EIF4G3: variants seen among roughly 807,000 people sequenced by gnomAD.
The protein encoded by EIF4G3 is eIF-4-gamma 3.
EIF4G3 carries 34 observed loss-of-function variants against 186.4 expected under a neutral mutation model. The observed-to-expected ratio is 0.18, with a 90% CI of 0.14 to 0.24. The LOEUF is 0.24. Ranked by LOEUF, EIF4G3 falls within the 10% of genes least tolerant of loss-of-function variation. The pLI is 1.00. For missense variants in EIF4G3, 1,536 were observed against 1,948.5 expected, an observed-to-expected ratio of 0.79 and a Z score of 3.99; for synonymous variants, 673 against 679.5, an observed-to-expected ratio of 0.99 and a Z score of 0.15.
intron 4 of EIF4G3, among the ~76,000 whole-genome samples, chr1:21,015,586 C>A (rs1020375897): frequency 6.6e-6 from 1 of 152,100 alleles, no homozygotes; most frequent in Admixed American, 6.5e-5. Flanking sequence ...CAGCAAGAAC[C>A]TGTCTATACA....
At chr1:21,112,513 C>T (rs962099560) in intron 2 of EIF4G3, among the ~76,000 whole-genome samples, 89 of 152,046 alleles carry the variant, frequency 5.9e-4, no homozygotes, top group African/African-American at 2.0e-3. Context: ...AATTAAAATG[C>T]CCTTACTGAG....
chr1:20,925,987 A>G (rs1040784296), intron 14 of EIF4G3, among the ~76,000 whole-genome samples: 1 of 152,216 alleles, frequency 6.6e-6, no homozygotes, highest in Non-Finnish European at 1.5e-5. Context: ...ATTCAGGGTG[A>G]GCACATTTGA....
chr1:21,066,658 AAGTTAAATGC>A (rs1373264400), intron 3 of EIF4G3, among the ~76,000 whole-genome samples: 8 of 152,210 alleles, frequency 5.3e-5, no homozygotes, highest in Non-Finnish European at 1.2e-4. Context: ...TATAAAGTTG[AAGTTAAATGC>A]TCCAGTGTCT....
At chr1:20,842,491 C>T (rs2069011877) in intron 29 of EIF4G3, among the ~76,000 whole-genome samples, 1 of 152,180 alleles carries the variant, frequency 6.6e-6, no homozygotes, top group African/African-American at 2.4e-5. Flanking sequence ...CCTCAGTCTC[C>T]CAAGTAGCTG....
chr1:21,125,889 T>C (rs1393379602), intron 2 of EIF4G3, among the ~76,000 whole-genome samples: 1 of 151,616 alleles, frequency 6.6e-6, no homozygotes, highest in Non-Finnish European at 1.5e-5. Context: ...GTTCTATTAC[T>C]TATTCCTATT....
intron 3 of EIF4G3, among the ~76,000 whole-genome samples, chr1:21,086,199 CT>C (rs397979515): frequency 6.3e-4 from 60 of 95,200 alleles, no homozygotes; most frequent in African/African-American, 2.1e-3. Context: ...ACATGATACT[CT>C]TTTTTTTTTT....
At chr1:21,023,224 CCTCT>C (rs2091175406) in intron 4 of EIF4G3, among the ~76,000 whole-genome samples, 1 of 96,576 alleles carries the variant, frequency 1.0e-5, no homozygotes. Flanking sequence ...AAGGGCTCTC[CCTCT>C]CCCTCCCCCT....
chr1:21,069,377 T>C (rs1182179417), intron 3 of EIF4G3, among the ~76,000 whole-genome samples: 1 of 152,214 alleles, frequency 6.6e-6, no homozygotes, highest in Non-Finnish European at 1.5e-5. Flanking sequence ...TAATGTCTCT[T>C]CCTCACATTC....
intron 12 of EIF4G3, among the ~76,000 whole-genome samples, chr1:20,965,772 T>C (rs1457589400): frequency 2.7e-5 from 3 of 113,196 alleles, no homozygotes; most frequent in African/African-American, 9.1e-5. Flanking sequence ...GTAATATTAG[T>C]AATAGATATT....
intron 2 of EIF4G3, among the ~76,000 whole-genome samples, chr1:21,144,498 C>A (rs2097400824): frequency 6.6e-6 from 1 of 151,780 alleles, no homozygotes; most frequent in African/African-American, 2.4e-5. Context: ...CTCAAGCAAT[C>A]CTTCCACCTT....
chr1:20,935,997 C>G (rs1241963257), intron 14 of EIF4G3, among the ~76,000 whole-genome samples: 1 of 152,100 alleles, frequency 6.6e-6, no homozygotes, highest in Non-Finnish European at 1.5e-5. Flanking sequence ...TAAGTTAATA[C>G]CCAATGACTG....
At chr1:21,133,640 A>C (rs1174213351) in intron 2 of EIF4G3, among the ~76,000 whole-genome samples, 2 of 152,234 alleles carry the variant, frequency 1.3e-5, no homozygotes, top group Non-Finnish European at 2.9e-5. Context: ...ACCTTTCAGA[A>C]TGTGGAAAAT....
intron 28 of EIF4G3, 53 bp from the exon 29 acceptor site, chr1:20,849,583 A>C (rs571187298): frequency 4.2e-5 from 33 of 792,882 alleles, no homozygotes; most frequent in Non-Finnish European, 5.9e-6. Flanking sequence ...TACTATTAAA[A>C]TAGTGAGATT....
intron 33 of EIF4G3, 133 bp downstream of exon 33, chr1:20,824,967 T>C: frequency 1.8e-6 from 1 of 542,044 alleles, no homozygotes; most frequent in Non-Finnish European, 3.1e-6. Flanking sequence ...AGCATGAACT[T>C]AAAAGGACAT....
chr1:20,971,566 T>C (rs1396335236), intron 11 of EIF4G3, among the ~76,000 whole-genome samples: 1 of 152,240 alleles, frequency 6.6e-6, no homozygotes, highest in Non-Finnish European at 1.5e-5. Flanking sequence ...CTGTTCATTA[T>C]GATATATGCA....
intron 15 of EIF4G3, among the ~76,000 whole-genome samples, chr1:20,903,017 C>T (rs140583841): frequency 1.3e-5 from 2 of 152,342 alleles, no homozygotes; most frequent in African/African-American, 4.8e-5. Flanking sequence ...TCAAGAGTAA[C>T]AAGCTAAAGA....
intron 3 of EIF4G3, 97 bp from the exon 4 acceptor site, chr1:21,051,091 T>A: frequency 1.5e-6 from 1 of 676,000 alleles, no homozygotes; most frequent in Middle Eastern, 3.3e-4. Flanking sequence ...ATTTCCTACC[T>A]CACAACTTAC....
chr1:20,920,212 T>A (rs1490630607), intron 14 of EIF4G3, among the ~76,000 whole-genome samples: 1 of 152,226 alleles, frequency 6.6e-6, no homozygotes, highest in Non-Finnish European at 1.5e-5. Flanking sequence ...GGTCGAGATA[T>A]TTTATTGTAC....
At chr1:21,106,596 G>C (rs2096622759) in intron 2 of EIF4G3, among the ~76,000 whole-genome samples, 1 of 152,108 alleles carries the variant, frequency 6.6e-6, no homozygotes, top group Admixed American at 6.5e-5. Context: ...ATTCTGAAAT[G>C]CCTATGAAAA....
Sources: gnomAD v4.1 joint callset for allele counts (sites outside exome capture counted in the v4.1 genomes callset) on GRCh38, gnomAD v4.1.1 for gene constraint, MANE v1.5 for transcripts, NCBI Gene and HGNC (gene_info 2026-07-23, HGNC 2026-07-21) for gene names.